MAST4: variants seen among roughly 807,000 people sequenced by gnomAD.
MAST4 encodes the protein microtubule-associated serine/threonine-protein kinase 4.
In MAST4, 89 loss-of-function variants were observed where a neutral mutation model predicts 162.7. The ratio of observed to expected loss-of-function variants is 0.55; its 90% CI spans 0.46 to 0.65. The LOEUF (loss-of-function observed/expected upper bound fraction) is 0.65, where lower values mean the gene tolerates loss of function less well. MAST4 is among the 30% of genes least tolerant of loss of function. MAST4 has a pLI of 0.00. For missense variants in MAST4, 3,153 were observed against 3,374.0 expected (o/e 0.93, Z 1.62); for synonymous variants, 1,479 against 1,361.1 (o/e 1.09, Z -1.91).
chr5:66,893,291 C>T (rs1226054491), intron 3 of MAST4, among the ~76,000 whole-genome samples: 2 of 152,030 alleles, frequency 1.3e-5, no homozygotes, highest in African/African-American at 4.8e-5. Flanking sequence ...CTGCAACCTC[C>T]GCCTTCTGGG....
At chr5:66,730,931 G>C (rs1020552601) in intron 1 of MAST4, among the ~76,000 whole-genome samples, 10 of 152,076 alleles carry the variant, frequency 6.6e-5, no homozygotes, top group African/African-American at 2.4e-4. Context: ...AGACTAGAAT[G>C]GGGGAGTTGG....
chr5:67,081,226 T>C (rs1381826792), intron 5 of MAST4, among the ~76,000 whole-genome samples: 1 of 150,808 alleles, frequency 6.6e-6, no homozygotes, highest in Non-Finnish European at 1.5e-5. Context: ...GTGCATATAA[T>C]TGGGTAAGAG....
At chr5:66,807,224 C>G (rs6891285) in intron 3 of MAST4, among the ~76,000 whole-genome samples, 2 of 152,158 alleles carry the variant, frequency 1.3e-5, no homozygotes, top group African/African-American at 2.4e-5. Flanking sequence ...TGGCCGGGTG[C>G]GGTGGCTCAC....
chr5:66,725,459 G>C (rs1256125903), intron 1 of MAST4, among the ~76,000 whole-genome samples: 1 of 152,100 alleles, frequency 6.6e-6, no homozygotes. Flanking sequence ...GAGCTTTAAT[G>C]GTTCTATTAT....
chr5:67,096,641 G>C (rs1764495994), intron 7 of MAST4, among the ~76,000 whole-genome samples: 1 of 152,076 alleles, frequency 6.6e-6, no homozygotes, highest in African/African-American at 2.4e-5. Flanking sequence ...TATCACCTCT[G>C]CCTTATACTG....
At chr5:66,960,254 A>G (rs1372874295) in intron 4 of MAST4, among the ~76,000 whole-genome samples, 1 of 152,212 alleles carries the variant, frequency 6.6e-6, no homozygotes, top group African/African-American at 2.4e-5. Flanking sequence ...TTGTAGATGC[A>G]TCATACAAGA....
chr5:66,626,376 T>C (rs1744429532), intron 1 of MAST4, among the ~76,000 whole-genome samples: 1 of 152,162 alleles, frequency 6.6e-6, no homozygotes, highest in Non-Finnish European at 1.5e-5. Context: ...GTTCACAATA[T>C]CTAAATAGAG....
At chr5:66,965,599 C>G (rs909474999) in intron 4 of MAST4, among the ~76,000 whole-genome samples, 452 of 31,476 alleles carry the variant, frequency 0.014, no homozygotes, top group Middle Eastern at 0.023. Flanking sequence ...GGGGGGGGGG[C>G]GGTGAAGGAT....
intron 1 of MAST4, among the ~76,000 whole-genome samples, chr5:66,679,889 A>G (rs1258740430): frequency 6.6e-6 from 1 of 152,126 alleles, no homozygotes; most frequent in Non-Finnish European, 1.5e-5. Flanking sequence ...CAAAGCCCAT[A>G]TTCTGAATTA....
At chr5:66,744,078 C>T (rs1053912981) in intron 1 of MAST4, among the ~76,000 whole-genome samples, 2 of 151,938 alleles carry the variant, frequency 1.3e-5, no homozygotes, top group African/African-American at 4.8e-5. Flanking sequence ...TTACCATTCC[C>T]TTCATGTTTT....
At chr5:66,659,110 G>A (rs1282653110) in intron 1 of MAST4, among the ~76,000 whole-genome samples, 1 of 152,200 alleles carries the variant, frequency 6.6e-6, no homozygotes, top group African/African-American at 2.4e-5. Flanking sequence ...TGGATGGCAT[G>A]TTGATGGTGG....
intron 3 of MAST4, among the ~76,000 whole-genome samples, chr5:66,865,362 G>A (rs558074517): frequency 6.6e-5 from 10 of 152,206 alleles, no homozygotes; most frequent in Non-Finnish European, 1.3e-4. Context: ...TTTTTCAGAG[G>A]TAGGGTGGGC....
intron 1 of MAST4, among the ~76,000 whole-genome samples, chr5:66,755,302 T>C (rs60166864): frequency 0.021 from 3,204 of 152,270 alleles, 111 homozygotes; most frequent in African/African-American, 0.072. Context: ...GAAAACAGAA[T>C]TGCCATTTAC....
At chr5:66,646,057 G>A (rs1167659484) in intron 1 of MAST4, among the ~76,000 whole-genome samples, 3 of 152,130 alleles carry the variant, frequency 2.0e-5, no homozygotes, top group Non-Finnish European at 4.4e-5. Context: ...TGAGAGGATA[G>A]GAAATTATAG....
At chr5:66,919,423 G>A (rs1420039796) in intron 4 of MAST4, among the ~76,000 whole-genome samples, 1 of 151,970 alleles carries the variant, frequency 6.6e-6, no homozygotes, top group Non-Finnish European at 1.5e-5. Flanking sequence ...AACTTTGGGA[G>A]GCCAAGGTGG....
intron 1 of MAST4, among the ~76,000 whole-genome samples, chr5:66,756,376 C>G (rs1753538633): frequency 6.6e-6 from 1 of 152,158 alleles, no homozygotes; most frequent in African/African-American, 2.4e-5. Flanking sequence ...ACCTGGCCCT[C>G]TAGGAGTACA....
intron 4 of MAST4, among the ~76,000 whole-genome samples, chr5:66,996,016 G>A (rs1461423923): frequency 6.6e-6 from 1 of 151,836 alleles, no homozygotes; most frequent in African/African-American, 2.4e-5. Context: ...GGTGGCTCAC[G>A]CCTATAATCC....
intron 1 of MAST4, among the ~76,000 whole-genome samples, chr5:66,685,636 T>C (rs1341539708): frequency 6.6e-6 from 1 of 152,110 alleles, no homozygotes; most frequent in East Asian, 1.9e-4. Context: ...ACAACTAGGT[T>C]CACTATAAGT....
chr5:66,847,066 A>G lies in MAST4; in HGVS notation c.643-52885A>G, dbSNP rs191592836. Among the ~76,000 whole-genome samples, 326 of 152,298 alleles carry G rather than the reference A, an allele frequency of 2.1e-3. 1 individual carries two copies. Among genetic ancestry groups the G allele is most frequent in the Admixed American group, 6.5e-3 (99 of 15,298 alleles). On this transcript the variant is annotated intron_variant, in intron 3 of 28. Transcript: ENST00000403625. ...ATTAATTAGGAAATACGTAGCCTCA[A>G]CAATAACTGAGAGCTATATTGAGTG...
Sources: gnomAD v4.1 joint callset for allele counts (sites outside exome capture counted in the v4.1 genomes callset) on GRCh38, gnomAD v4.1.1 for gene constraint, MANE v1.5 for transcripts, NCBI Gene and HGNC (gene_info 2026-07-23, HGNC 2026-07-21) for gene names.